The following SIPA1L3 variants were observed in gnomAD, a reference collection of about 807,000 sequenced individuals.
SIPA1L3 encodes signal-induced proliferation-associated 1-like protein 3.
SIPA1L3 carries 59 observed loss-of-function variants against 150.1 expected under a neutral mutation model. That is an observed-to-expected ratio of 0.39 (90% CI 0.32 to 0.49). SIPA1L3 has a LOEUF of 0.49. Ranked by LOEUF, SIPA1L3 falls within the 20% of genes least tolerant of loss-of-function variation. The pLI is 0.86. For missense variants in SIPA1L3, 2,211 were observed against 2,489.5 expected (o/e 0.89, Z 2.38); for synonymous variants, 1,070 against 1,077.6 (o/e 0.99, Z 0.14).
chr19:37,971,189 C>T lies in SIPA1L3; in HGVS notation c.-378-57900C>T, dbSNP rs147441407. Among the ~76,000 whole-genome samples, 232 of 152,094 alleles carry T rather than the reference C, an allele frequency of 1.5e-3. 1 individual carries two copies. Among genetic ancestry groups the T allele is most frequent in the African/African-American group, 5.5e-3 (228 of 41,482 alleles). On this transcript the variant is annotated intron_variant, in intron 1 of 21. Transcript: ENST00000222345. Reference sequence around the variant, plus strand: ...GAGAATGGGGTCTCACTCTGTTGCCCAGGCAGGTCTCAAACTCCTGGGTTC... The same window carrying T: ...GAGAATGGGGTCTCACTCTGTTGCCTAGGCAGGTCTCAAACTCCTGGGTTC...
At chr19:38,192,648 G>A (rs1361356795) in intron 17 of SIPA1L3, among the ~76,000 whole-genome samples, 2 of 152,202 alleles carry the variant, frequency 1.3e-5, no homozygotes, top group Non-Finnish European at 2.9e-5. Context: ...GGGACTGAGA[G>A]TGGAGCAGGG....
chr19:38,195,397 G>A (rs9653106), intron 18 of SIPA1L3, among the ~76,000 whole-genome samples: 57,566 of 152,042 alleles, frequency 0.38, 12,403 homozygotes, highest in Middle Eastern at 0.59. Flanking sequence ...TTCCTGCAGC[G>A]CCTGCTGTGG....
In SIPA1L3 at chr19:38,179,549, G is replaced by A. The variant is rs139025173; in HGVS notation, c.4209-2970G>A. 1.5e-3 allele frequency among the ~76,000 whole-genome samples: 222 copies of A among 152,240 alleles called. 1 individual carries two copies. The highest frequency in any genetic ancestry group is 5.1e-3 in the African/African-American group (210 of 41,540). On this transcript the variant is annotated intron_variant, in intron 15 of 21. Transcript: ENST00000222345. ...ATGTGCGTCTATCACTGCAATTCAG[G>A]TTAATACTAAATTCCAATAAAATAT...
At chr19:37,917,165 A>G (rs575019860) in intron 1 of SIPA1L3, among the ~76,000 whole-genome samples, 51 of 152,314 alleles carry the variant, frequency 3.3e-4, no homozygotes, top group Middle Eastern at 3.4e-3. Flanking sequence ...AGCGTTTGAC[A>G]TACAATATGT....
chr19:38,201,745 C>A, intron 19 of SIPA1L3, 117 bp from the exon 20 acceptor site: 2 of 1,137,676 alleles, frequency 1.8e-6, no homozygotes, highest in Non-Finnish European at 2.4e-6. Context: ...CCGATGCAGT[C>A]TGTCCCAAGT....
intron 2 of SIPA1L3, among the ~76,000 whole-genome samples, chr19:38,068,324 C>T (rs181938441): frequency 2.1e-4 from 32 of 152,296 alleles, no homozygotes; most frequent in Admixed American, 1.8e-3. Context: ...CCACCACGCC[C>T]GGCCGAAAAA....
intron 1 of SIPA1L3, among the ~76,000 whole-genome samples, chr19:37,925,143 C>T (rs1347685862): frequency 6.6e-6 from 1 of 152,046 alleles, no homozygotes; most frequent in Non-Finnish European, 1.5e-5. Flanking sequence ...TTTACACCAA[C>T]ACCACGACAA....
At chr19:37,927,123 C>T (rs2046510624) in intron 1 of SIPA1L3, among the ~76,000 whole-genome samples, 1 of 148,824 alleles carries the variant, frequency 6.7e-6, no homozygotes, top group African/African-American at 2.5e-5. Context: ...AACAGAGTAC[C>T]CAATAGGTAG....
At chr19:37,994,890 C>T (rs1157615242) in intron 1 of SIPA1L3, among the ~76,000 whole-genome samples, 2 of 152,176 alleles carry the variant, frequency 1.3e-5, no homozygotes, top group Non-Finnish European at 2.9e-5. Context: ...GAGACAAGCT[C>T]CATGGCTGGT....
At chr19:38,182,925 C>T in intron 16 of SIPA1L3, 185 bp downstream of exon 16, 1 of 561,686 alleles carries the variant, frequency 1.8e-6, no homozygotes, top group South Asian at 2.6e-5. Flanking sequence ...GCTGGCATTC[C>T]ATTTGGGGTG....
At chr19:38,165,842 A>T (rs973081964) in intron 15 of SIPA1L3, among the ~76,000 whole-genome samples, 1 of 152,106 alleles carries the variant, frequency 6.6e-6, no homozygotes, top group Non-Finnish European at 1.5e-5. Flanking sequence ...GGCTCACTGC[A>T]CCCTCTACCT....
intron 10 of SIPA1L3, among the ~76,000 whole-genome samples, chr19:38,135,409 ATC>A (rs1406552373): frequency 2.0e-5 from 3 of 152,178 alleles, no homozygotes; most frequent in Admixed American, 6.5e-5. Context: ...ACCTGCTTAG[ATC>A]TCTGCAGGGG....
chr19:38,055,124 G>T (rs149035162), intron 2 of SIPA1L3, among the ~76,000 whole-genome samples: 1 of 152,110 alleles, frequency 6.6e-6, no homozygotes, highest in Non-Finnish European at 1.5e-5. Context: ...CTGGCCTTCC[G>T]TTTCCTTAGC....
intron 1 of SIPA1L3, among the ~76,000 whole-genome samples, chr19:37,923,983 C>T (rs1218876589): frequency 6.6e-6 from 1 of 152,058 alleles, no homozygotes; most frequent in Non-Finnish European, 1.5e-5. Flanking sequence ...CCATGTTGGC[C>T]AGGCTGGTCT....
In SIPA1L3 at chr19:38,119,329, A is replaced by G; in HGVS notation, c.2315A>G (p.Asp772Gly). ...AGTATGGCTGTGACCCGATCCAAAG[A>G]CGCTCCTCCTTTCGGCCCCCCCATC... ...CYSMAVTRSKDAPPFGPPIPS... is the reference protein window; with the variant it reads ...CYSMAVTRSKGAPPFGPPIPS... The change falls in exon 9 of 22, where the codon GAC (aspartate) becomes GGC (glycine). Residue 772 changes from aspartate to glycine, a missense_variant. Asp to Gly is a moderately conservative substitution (Grantham distance 94, BLOSUM62 -1). This residue lies in a region of SIPA1L3 where 625 missense variants were observed against 804.2 expected (regional missense o/e 0.78). Coordinates refer to ENST00000222345, the MANE Select transcript of SIPA1L3 (RefSeq NM_015073.3). 1 of 1,613,978 alleles carries G rather than the reference A, an allele frequency of 6.2e-7. No homozygotes were observed. The highest frequency in any genetic ancestry group is 8.5e-7 in the Non-Finnish European group (1 of 1,179,964).
chr19:38,200,836 A>C (rs1973072196), intron 19 of SIPA1L3: 1 of 152,080 alleles, frequency 6.6e-6, no homozygotes, highest in African/African-American at 2.4e-5. Context: ...CTGAGGCAGG[A>C]GAATCACTTG....
chr19:38,164,384 C>G lies in SIPA1L3; in HGVS notation c.3781-95C>G, dbSNP rs940645387. The G allele has an allele frequency of 2.2e-5, 27 of 1,212,428 alleles. No individual in the cohort carries two copies. Among genetic ancestry groups the G allele is most frequent in the Non-Finnish European group, 3.0e-5 (26 of 854,806 alleles). The allele number at this position is 1,212,428 out of a possible 1,614,324, so 75.1% of individuals were successfully genotyped here. A position where few individuals can be genotyped will look rare whatever the true frequency, so the allele number is the denominator to read the frequency against. On this transcript the variant is annotated intron_variant, in intron 14 of 21. Coordinates refer to ENST00000222345, the MANE Select transcript of SIPA1L3 (RefSeq NM_015073.3). The surrounding 1 kb of genome is among the most constrained non-coding windows in gnomAD (Gnocchi z 4.1). ...AAGCCAGGATTTGAAGCTGTCTGGTCCCAGGGTTCAGGCCCAGGCAGAGGG... is the reference window on the plus strand; with the variant it reads ...AAGCCAGGATTTGAAGCTGTCTGGTGCCAGGGTTCAGGCCCAGGCAGAGGG...
At chr19:38,187,007 CAAAAAAAA>C (rs1046528016) in intron 16 of SIPA1L3, among the ~76,000 whole-genome samples, 2 of 80,298 alleles carry the variant, frequency 2.5e-5, no homozygotes, top group South Asian at 4.1e-4. Context: ...AACTCTGTCT[CAAAAAAAA>C]AAAAAAAAAA....
At chr19:37,948,433 C>G (rs879674796) in intron 1 of SIPA1L3, among the ~76,000 whole-genome samples, 4 of 151,148 alleles carry the variant, frequency 2.6e-5, no homozygotes, top group Non-Finnish European at 4.4e-5. Flanking sequence ...TGCCACTGCA[C>G]TCCAGCCTGG....
Sources: gnomAD v4.1 joint callset for allele counts (sites outside exome capture counted in the v4.1 genomes callset) on GRCh38, gnomAD v4.1.1 for gene constraint, gnomAD v4.1.1 regional missense constraint, Gnocchi (gnomAD v3.1) non-coding constraint, MANE v1.5 for transcripts, NCBI Gene and HGNC (gene_info 2026-07-23, HGNC 2026-07-21) for gene names.